CHRNA3: variants seen among roughly 807,000 people sequenced by gnomAD.
CHRNA3 encodes the protein cholinergic receptor nicotinic alpha 3 subunit, also known as neuronal acetylcholine receptor subunit alpha-3.
In CHRNA3, 34 loss-of-function variants were observed where a neutral mutation model predicts 41.9. The observed-to-expected ratio is 0.81, with a 90% CI of 0.62 to 1.08. CHRNA3 has a LOEUF of 1.08. CHRNA3 is among the 50% of genes least tolerant of loss of function. CHRNA3 has a pLI of 0.00. For synonymous variants in CHRNA3, 281 were observed against 265.2 expected, an observed-to-expected ratio of 1.06 and a Z score of -0.58; for missense variants, 542 against 638.3, an observed-to-expected ratio of 0.85 and a Z score of 1.63.
In CHRNA3 at chr15:78,620,799, G is replaced by A. The variant is rs1190898099; in HGVS notation, c.-5C>T. ...CGAGAGCGGGCCAGAGCCCATGGCT[G>A]GTGGCCGGGCTGGCCGCGGACCCGG... On this transcript the variant is annotated 5_prime_UTR_variant, in exon 1 of 6. Transcript: ENST00000326828. The A allele has an allele frequency of 2.1e-6, 3 of 1,429,480 alleles. No homozygotes were observed. The highest frequency in any genetic ancestry group is 3.1e-5 in the East Asian group (1 of 32,700). 88.5% of individuals were successfully genotyped at this position (1,429,480 alleles called of 1,614,324 possible).
intron 4 of CHRNA3, among the ~76,000 whole-genome samples, chr15:78,604,842 A>G (rs1345624860): frequency 6.6e-6 from 1 of 152,124 alleles, no homozygotes; most frequent in Non-Finnish European, 1.5e-5. Context: ...ACAAAACCCC[A>G]TCTCTACTAA....
intron 4 of CHRNA3, among the ~76,000 whole-genome samples, chr15:78,606,984 T>C (rs1457015017): frequency 6.6e-6 from 1 of 152,050 alleles, no homozygotes; most frequent in Non-Finnish European, 1.5e-5. Flanking sequence ...TCCCAGCACT[T>C]TGGAAGGCTG....
chr15:78,596,536 T>G lies in CHRNA3; in HGVS notation c.*68A>C, dbSNP rs1052712974. ...TAGCTTGATAACAGAAAGTACGTTC[T>G]TACTAGGAAGCAGCCTCCTCCTGCC... On this transcript the variant is annotated 3_prime_UTR_variant, in exon 6 of 6. Transcript: ENST00000326828. The G allele has an allele frequency of 8.0e-6, 11 of 1,374,976 alleles. No individual in the cohort carries two copies. In the Admixed American group the frequency reaches 3.1e-4, roughly 39 times the overall value. 85.2% of individuals were successfully genotyped at this position (1,374,976 alleles called of 1,614,324 possible).
At position 78,595,536 on chromosome 15, in the gene CHRNA3, A is replaced by C; in HGVS notation, c.*1068T>G. The C allele has an allele frequency of 1.2e-5, 4 of 339,680 alleles. No individual in the cohort carries two copies. Among genetic ancestry groups the C allele is most frequent in the Non-Finnish European group, 1.7e-5 (4 of 239,936 alleles). The allele number at this position is 339,680 out of a possible 1,614,324, so 21.0% of individuals were successfully genotyped here. A position where few individuals can be genotyped will look rare whatever the true frequency, so the allele number is the denominator to read the frequency against. On this transcript the variant is annotated 3_prime_UTR_variant, in exon 6 of 6. Coordinates refer to ENST00000326828, the MANE Select transcript of CHRNA3 (RefSeq NM_000743.5). ...TCTTGGTTATCATAACTGGTGAAGA[A>C]GCAAGGTATGTCATTGGCATCTAGT...
intron 4 of CHRNA3, among the ~76,000 whole-genome samples, chr15:78,610,229 T>C (rs1186263936): frequency 1.3e-5 from 2 of 152,160 alleles, no homozygotes; most frequent in South Asian, 2.1e-4. Context: ...GCGGACCTAA[T>C]AGACATCTAC....
At chr15:78,599,348 A>C (rs1013220236) in intron 5 of CHRNA3, among the ~76,000 whole-genome samples, 1 of 152,144 alleles carries the variant, frequency 6.6e-6, no homozygotes, top group Non-Finnish European at 1.5e-5. Flanking sequence ...GATGTTAGGC[A>C]AAGTGGTGAA....
At chr15:78,600,355 G>A (rs774317006) in intron 5 of CHRNA3, among the ~76,000 whole-genome samples, 85 of 152,294 alleles carry the variant, frequency 5.6e-4, no homozygotes, top group Non-Finnish European at 9.9e-4. Flanking sequence ...GATTACAGGC[G>A]TGAGCCACTG....
At chr15:78,603,116 G>A (rs1321596245) in intron 4 of CHRNA3, among the ~76,000 whole-genome samples, 1 of 152,172 alleles carries the variant, frequency 6.6e-6, no homozygotes. Context: ...CGGGGTTCAA[G>A]CAAGTCTCCT....
At chr15:78,607,713 CAGTG>C (rs961755400) in intron 4 of CHRNA3, among the ~76,000 whole-genome samples, 1 of 152,204 alleles carries the variant, frequency 6.6e-6, no homozygotes, top group Non-Finnish European at 1.5e-5. Context: ...GAGTGCCAGA[CAGTG>C]GGTGCAGGAT....
rs554585851 is a variant in CHRNA3, at chr15:78,609,121, C to T, written c.378-6857G>A. On this transcript the variant is annotated intron_variant, in intron 4 of 5. Transcript: ENST00000326828. ...ATCTGATTGGTGTACCTGAAAGTGA[C>T]GGGGAGAATGGAACCAAGTTGGAAA... 4.5e-4 allele frequency among the ~76,000 whole-genome samples: 69 copies of T among 152,160 alleles called. 1 individual carries two copies. The highest frequency in any genetic ancestry group is 2.8e-4 in the Non-Finnish European group (19 of 67,994).
intron 4 of CHRNA3, among the ~76,000 whole-genome samples, chr15:78,612,377 C>G (rs1375309230): frequency 2.8e-5 from 4 of 145,218 alleles, no homozygotes; most frequent in African/African-American, 1.1e-4. Context: ...AGATATAGAT[C>G]AAAGGAACAG....
At chr15:78,608,409 G>C (rs999840574) in intron 4 of CHRNA3, among the ~76,000 whole-genome samples, 1 of 152,118 alleles carries the variant, frequency 6.6e-6, no homozygotes, top group Admixed American at 6.6e-5. Flanking sequence ...GGGTCACCAA[G>C]ATCCACTGTT....
At chr15:78,609,533 G>A (rs1447431619) in intron 4 of CHRNA3, among the ~76,000 whole-genome samples, 1 of 152,152 alleles carries the variant, frequency 6.6e-6, no homozygotes, top group Non-Finnish European at 1.5e-5. Flanking sequence ...AATGCTGAGA[G>A]ATTTTATCAC....
At chr15:78,608,232 C>T (rs7495518) in intron 4 of CHRNA3, among the ~76,000 whole-genome samples, 40,522 of 152,198 alleles carry the variant, frequency 0.27, 6,339 homozygotes, top group Non-Finnish European at 0.36. Flanking sequence ...TCCCAGCACG[C>T]AGCTGGAAAT....
intron 4 of CHRNA3, 27 bp downstream of exon 4, chr15:78,616,997 G>C: frequency 3.9e-6 from 6 of 1,542,968 alleles, no homozygotes; most frequent in Non-Finnish European, 4.5e-6. Flanking sequence ...ACAGCCCTGA[G>C]AGGGCGTGGG....
At chr15:78,601,131 C>A in intron 5 of CHRNA3, 122 bp downstream of exon 5, 2 of 903,710 alleles carry the variant, frequency 2.2e-6, no homozygotes, top group South Asian at 3.2e-5. Flanking sequence ...CTGGTCTTAA[C>A]ACAGGCCACT....
intron 5 of CHRNA3, among the ~76,000 whole-genome samples, chr15:78,597,081 A>C (rs1487512440): frequency 1.3e-5 from 2 of 152,214 alleles, no homozygotes; most frequent in African/African-American, 4.8e-5. Context: ...CTTGGTTAGA[A>C]TGGCTAATAT....
intron 4 of CHRNA3, among the ~76,000 whole-genome samples, chr15:78,604,254 A>G (rs994318525): frequency 6.6e-6 from 1 of 152,222 alleles, no homozygotes; most frequent in African/African-American, 2.4e-5. Flanking sequence ...CACAACGCCT[A>G]AAATATTTAT....
chr15:78,601,110 A>G, intron 5 of CHRNA3, 143 bp downstream of exon 5: 1 of 722,862 alleles, frequency 1.4e-6, no homozygotes, highest in Non-Finnish European at 2.3e-6. Context: ...AACATACCCA[A>G]GGACATATAA....
Sources: gnomAD v4.1 joint callset for allele counts (sites outside exome capture counted in the v4.1 genomes callset) on GRCh38, gnomAD v4.1.1 for gene constraint, MANE v1.5 for transcripts, NCBI Gene and HGNC (gene_info 2026-07-23, HGNC 2026-07-21) for gene names.